JAZF1: variants seen among roughly 807,000 people sequenced by gnomAD.
JAZF1 encodes the protein JAZF zinc finger 1.
In JAZF1, 8 loss-of-function variants were observed where a neutral mutation model predicts 26.4. The observed-to-expected ratio is 0.30, with a 90% CI of 0.18 to 0.55. JAZF1 has a LOEUF of 0.55. Among genes scored for constraint, JAZF1 ranks in the 20% least tolerant of loss-of-function variants. The probability of loss-of-function intolerance (pLI) is 0.94; values close to 1 mark genes in which losing one functional copy is unlikely to be tolerated. For missense variants in JAZF1, 199 were observed against 322.0 expected, an observed-to-expected ratio of 0.62 and a Z score of 2.92; for synonymous variants, 126 against 122.3, an observed-to-expected ratio of 1.03 and a Z score of -0.20.
chr7:28,174,738 G>C (rs1011985763), intron 1 of JAZF1, among the ~76,000 whole-genome samples: 1 of 126,624 alleles, frequency 7.9e-6, no homozygotes, highest in South Asian at 2.3e-4. Context: ...GAGGCTAATG[G>C]AAAAACCAGT....
chr7:28,114,624 G>A (rs1784713696), intron 1 of JAZF1, among the ~76,000 whole-genome samples: 1 of 150,560 alleles, frequency 6.6e-6, no homozygotes, highest in South Asian at 2.1e-4. Context: ...CTACTTTTAG[G>A]GTTTATTTAC....
intron 1 of JAZF1, among the ~76,000 whole-genome samples, chr7:28,088,813 T>C (rs1485595824): frequency 6.6e-6 from 1 of 152,256 alleles, no homozygotes; most frequent in African/African-American, 2.4e-5. Context: ...TAAGCAGGGA[T>C]GGATGTTTCT....
At chr7:27,948,752 T>C (rs1341464878) in intron 2 of JAZF1, among the ~76,000 whole-genome samples, 1 of 152,210 alleles carries the variant, frequency 6.6e-6, no homozygotes, top group Non-Finnish European at 1.5e-5. Flanking sequence ...TGCTAGATCA[T>C]GTTTTTGGTG....
chr7:28,094,648 A>G (rs1160010553), intron 1 of JAZF1, among the ~76,000 whole-genome samples: 1 of 152,052 alleles, frequency 6.6e-6, no homozygotes, highest in Non-Finnish European at 1.5e-5. Context: ...AGCACTTGAA[A>G]TTTTCTGGCA....
intron 1 of JAZF1, among the ~76,000 whole-genome samples, chr7:28,025,779 T>G (rs1562563051): frequency 6.6e-6 from 1 of 152,166 alleles, no homozygotes; most frequent in South Asian, 2.1e-4. Flanking sequence ...GGAAAAATTT[T>G]TGGCCAGGTT....
At chr7:28,019,083 T>C (rs73683933) in intron 1 of JAZF1, among the ~76,000 whole-genome samples, 2,543 of 152,364 alleles carry the variant, frequency 0.017, 62 homozygotes, top group African/African-American at 0.055. Flanking sequence ...GTCATCCTTG[T>C]GGCTCCTCTG....
chr7:28,012,818 G>A (rs1481112334), intron 1 of JAZF1, among the ~76,000 whole-genome samples: 1 of 152,238 alleles, frequency 6.6e-6, no homozygotes, highest in African/African-American at 2.4e-5. Flanking sequence ...TCTCCTCCAT[G>A]AGTCATTTTA....
intron 1 of JAZF1, among the ~76,000 whole-genome samples, chr7:28,046,641 A>G (rs1780084725): frequency 6.6e-6 from 1 of 152,172 alleles, no homozygotes; most frequent in Non-Finnish European, 1.5e-5. Context: ...TTTCTGACAC[A>G]ACTTCCCAAG....
At chr7:27,837,557 CTCAATGTA>C (rs1341075566) in intron 4 of JAZF1, among the ~76,000 whole-genome samples, 1 of 152,150 alleles carries the variant, frequency 6.6e-6, no homozygotes. Context: ...GAAATGGCGC[CTCAATGTA>C]GAAAGAGCAT....
chr7:28,092,422 G>T (rs1784317735), intron 1 of JAZF1, among the ~76,000 whole-genome samples: 1 of 150,296 alleles, frequency 6.7e-6, no homozygotes, highest in Non-Finnish European at 1.5e-5. Context: ...TAAAATACAC[G>T]GTTGGACTGA....
intron 3 of JAZF1, among the ~76,000 whole-genome samples, chr7:27,881,120 T>C (rs570966749): frequency 1.3e-5 from 2 of 152,378 alleles, no homozygotes; most frequent in East Asian, 3.9e-4. Context: ...CCAATTTTTA[T>C]ATTTGCAGTT....
chr7:27,846,355 A>T (rs1253180458), intron 3 of JAZF1: 3 of 360,834 alleles, frequency 8.3e-6, no homozygotes, highest in African/African-American at 6.4e-5. Flanking sequence ...ATACACGTAT[A>T]CGTGTACATA....
At chr7:27,987,579 C>G (rs1256397734) in intron 2 of JAZF1, among the ~76,000 whole-genome samples, 1 of 151,374 alleles carries the variant, frequency 6.6e-6, no homozygotes, top group African/African-American at 2.4e-5. Context: ...GGGGGCAGCC[C>G]CCGCCCGGCC....
rs1583489870 is a variant in JAZF1, at chr7:27,978,338, TG to T, written c.188+13570del. On this transcript the variant is annotated intron_variant, in intron 2 of 4. Transcript: ENST00000283928. ...CTTCTCAAAGAGAGGAGAAATACATTGGAAATGTGGGAAAAACAGTGATAGT... is the reference window on the plus strand; with the variant it reads ...CTTCTCAAAGAGAGGAGAAATACATTGAAATGTGGGAAAAACAGTGATAGT... Among the ~76,000 whole-genome samples the T allele has an allele frequency of 2.0e-5, 3 of 152,232 alleles. No homozygotes were observed. In the East Asian group the frequency reaches 5.8e-4, roughly 29 times the overall value.
At chr7:28,003,434 G>A (rs1372609366) in intron 1 of JAZF1, among the ~76,000 whole-genome samples, 1 of 152,104 alleles carries the variant, frequency 6.6e-6, no homozygotes, top group African/African-American at 2.4e-5. Flanking sequence ...TTATTAGTGG[G>A]CAATAATGAA....
rs1783582117 is a variant in JAZF1, at chr7:28,049,921, GA to G, written c.116-57941del. 1.3e-5 allele frequency among the ~76,000 whole-genome samples: 2 copies of G among 152,058 alleles called. 1 individual carries two copies. Among genetic ancestry groups the G allele is most frequent in the African/African-American group, 4.8e-5 (2 of 41,404 alleles). The stretch of plus-strand genomic sequence containing the variant: ...GCCCCATGCTTTAGGAATTTTTATG[GA>G]GGCTTCATCACATCGGCATGATTGA... On this transcript the variant is annotated intron_variant, in intron 1 of 4. Transcript: ENST00000283928.
intron 2 of JAZF1, among the ~76,000 whole-genome samples, chr7:27,988,920 T>TGAAAA (rs1491143617): frequency 1.2e-5 from 1 of 83,770 alleles, no homozygotes; most frequent in Non-Finnish European, 2.2e-5. Context: ...AGAATCTCTG[T>TGAAAA]AAAAAAAAAA....
chr7:28,152,927 A>T (rs1414869335), intron 1 of JAZF1, among the ~76,000 whole-genome samples: 1 of 152,226 alleles, frequency 6.6e-6, no homozygotes, highest in East Asian at 1.9e-4. Flanking sequence ...CATAACTATT[A>T]TGATTACATG....
At chr7:27,836,088 G>A (rs1207395576) in intron 4 of JAZF1, among the ~76,000 whole-genome samples, 1 of 152,198 alleles carries the variant, frequency 6.6e-6, no homozygotes, top group Non-Finnish European at 1.5e-5. Context: ...ACCCAGGGAT[G>A]TCCAATCCAT....
Sources: gnomAD v4.1 joint callset for allele counts (sites outside exome capture counted in the v4.1 genomes callset) on GRCh38, gnomAD v4.1.1 for gene constraint, MANE v1.5 for transcripts, NCBI Gene and HGNC (gene_info 2026-07-23, HGNC 2026-07-21) for gene names.